The following UBE4B variants were observed in gnomAD, a reference collection of about 807,000 sequenced individuals.
The protein encoded by UBE4B is ubiquitination factor E4B.
Under a neutral mutation model 148.1 loss-of-function variants are expected in UBE4B, and 27 were observed. That is an observed-to-expected ratio of 0.18 (90% CI 0.13 to 0.25). The LOEUF is 0.25. Among genes scored for constraint, UBE4B ranks in the 10% least tolerant of loss-of-function variants. The pLI, the probability that UBE4B is intolerant of heterozygous loss-of-function variation, is 1.00. For missense variants in UBE4B, 1,170 were observed against 1,662.4 expected (o/e 0.70, Z 5.15); for synonymous variants, 596 against 619.3 (o/e 0.96, Z 0.56).
chr1:10,165,866 A>G (rs1195194045), intron 23 of UBE4B, among the ~76,000 whole-genome samples: 1 of 152,102 alleles, frequency 6.6e-6, no homozygotes, highest in African/African-American at 2.4e-5. Context: ...ATTTGTTTCT[A>G]TGAAGCAGAT....
At chr1:10,041,587 G>A (rs1643766766) in intron 1 of UBE4B, among the ~76,000 whole-genome samples, 1 of 151,058 alleles carries the variant, frequency 6.6e-6, no homozygotes, top group Non-Finnish European at 1.5e-5. Context: ...CCCCCGCCTC[G>A]GCCTTCCAAA....
Position 10,161,090 on chromosome 1 carries a change from C to T in UBE4B, c.3054-52C>T. ...GCTTGTTCCCTGGGATTTGCTGTGG[C>T]ATTTTGCTTCAGGGAGATGTATGAC... On this transcript the variant is annotated intron_variant, in intron 22 of 27. Coordinates refer to ENST00000343090, the MANE Select transcript of UBE4B (RefSeq NM_001105562.3). This position sits in a 1 kb window ranked among gnomAD's most constrained non-coding sequence, Gnocchi z 4.1. 1 of 1,588,408 alleles carries T rather than the reference C, an allele frequency of 6.3e-7. No individual in the cohort carries two copies. Among genetic ancestry groups the T allele is most frequent in the East Asian group, 2.3e-5 (1 of 44,208 alleles).
Position 10,105,525 on chromosome 1 carries a change from A to T in UBE4B, c.590A>T (p.Asp197Val). The T allele has an allele frequency of 6.2e-7, 1 of 1,614,154 alleles. No homozygotes were observed. Among genetic ancestry groups the T allele is most frequent in the Non-Finnish European group, 8.5e-7 (1 of 1,180,022 alleles). ...TCTGCCTTTCCAACAGTATTCTCCG[A>T]TTTTAAGGACTTGATTGGCCAGATT... ...FKQNPKEVFS[D>V]FKDLIGQILM... The change falls in exon 6 of 28, where the codon GAT (aspartate) becomes GTT (valine). Residue 197 changes from aspartate to valine, a missense_variant. Around this residue, in one of 6 missense-constraint regions of UBE4B, gnomAD observed 91 missense variants for 120.5 expected, o/e 0.76. Transcript: ENST00000343090.
At chr1:10,044,532 C>T (rs963900190) in intron 1 of UBE4B, among the ~76,000 whole-genome samples, 2 of 151,936 alleles carry the variant, frequency 1.3e-5, no homozygotes, top group Admixed American at 1.3e-4. Context: ...CTCCTTCCTT[C>T]CTTACCCTTC....
chr1:10,084,018 G>A (rs1644725387), intron 2 of UBE4B, among the ~76,000 whole-genome samples: 1 of 152,026 alleles, frequency 6.6e-6, no homozygotes, highest in African/African-American at 2.4e-5. Context: ...CCTATCCGCA[G>A]CCCCCACCCC....
At position 10,117,539 on chromosome 1, in the gene UBE4B, T is replaced by G. The variant is rs1407878978; in HGVS notation, c.1277T>G (p.Met426Arg). 1 of 1,612,118 alleles carries G rather than the reference T, an allele frequency of 6.2e-7. No individual in the cohort carries two copies. Among genetic ancestry groups the G allele is most frequent in the Non-Finnish European group, 8.5e-7 (1 of 1,179,530 alleles). Residue 426 changes from methionine (M) to arginine (R), a missense_variant, in exon 8 of 28, where the codon ATG (methionine) becomes AGG (arginine). Physicochemically the swap from Met to Arg is moderately conservative, Grantham distance 91. Transcript: ENST00000343090. The stretch of plus-strand genomic sequence containing the variant: ...ATTGAAACCTGCAAAGAGACAGATA[T>G]GCTGAACTACCTCATCGAGTGTTTC... ...FTIETCKETD[M>R]LNYLIECFDR... is the part of the protein sequence containing the mutation.
At chr1:10,075,675 G>A (rs1002059421) in intron 2 of UBE4B, among the ~76,000 whole-genome samples, 2 of 152,200 alleles carry the variant, frequency 1.3e-5, no homozygotes, top group African/African-American at 2.4e-5. Context: ...CCATACTTTG[G>A]TGGGTTGAAT....
In UBE4B at chr1:10,106,732, G is replaced by C. The variant is rs375851484; in HGVS notation, c.1196+149G>C. ...TGTGGCTAACTAGTTTGGTAGGCAC[G>C]TACTCTGAGTCCATGCTTCTGCCAG... On this transcript the variant is annotated intron_variant, in intron 7 of 27. Coordinates refer to ENST00000343090, the MANE Select transcript of UBE4B (RefSeq NM_001105562.3). The surrounding 1 kb of genome is among the most constrained non-coding windows in gnomAD (Gnocchi z 4.2). 1.6e-5 allele frequency: 17 copies of C among 1,089,554 alleles called. No homozygotes were observed. The highest frequency in any genetic ancestry group is 1.9e-5 in the South Asian group (1 of 51,978). The allele number at this position is 1,089,554 out of a possible 1,614,324, so 67.5% of individuals were successfully genotyped here.
intron 2 of UBE4B, among the ~76,000 whole-genome samples, chr1:10,085,117 C>T (rs1644745203): frequency 6.6e-6 from 1 of 152,140 alleles, no homozygotes. Context: ...GTTGAACGTT[C>T]ATACCTGGAG....
chr1:10,084,784 A>T (rs1239248134), intron 2 of UBE4B, among the ~76,000 whole-genome samples: 1 of 146,408 alleles, frequency 6.8e-6, no homozygotes, highest in African/African-American at 2.5e-5. Flanking sequence ...TGTAGCCTCC[A>T]CCTCCCAGGT....
chr1:10,037,090 C>T (rs1391517324), intron 1 of UBE4B, among the ~76,000 whole-genome samples: 3 of 152,034 alleles, frequency 2.0e-5, no homozygotes, highest in Non-Finnish European at 2.9e-5. Flanking sequence ...TGCAATGGCG[C>T]GATCTTGGCT....
In UBE4B at chr1:10,135,771, A is replaced by G. The variant is rs932636199; in HGVS notation, c.2224+585A>G. ...AAAAAACAGATACAAATTGAAAAAA[A>G]AAATCAAGTTATCATAATATATCTA... On this transcript the variant is annotated intron_variant, in intron 16 of 27. Transcript: ENST00000343090. Among the ~76,000 whole-genome samples, 5 of 151,774 alleles carry G rather than the reference A, an allele frequency of 3.3e-5. No homozygotes were observed. The East Asian group carries it at 9.6e-4, about 29-fold the overall frequency.
At chr1:10,138,095 T>C (rs548229238) in intron 17 of UBE4B, among the ~76,000 whole-genome samples, 3 of 147,780 alleles carry the variant, frequency 2.0e-5, no homozygotes, top group South Asian at 4.3e-4. Flanking sequence ...CCACCACGCC[T>C]GGCCAATTTT....
At chr1:10,054,219 G>C (rs1400950292) in intron 1 of UBE4B, among the ~76,000 whole-genome samples, 1 of 151,944 alleles carries the variant, frequency 6.6e-6, no homozygotes, top group Admixed American at 6.6e-5. Context: ...AGTAATATCT[G>C]GCTGTTTTCT....
At chr1:10,099,467 A>G (rs1644975962) in intron 3 of UBE4B, among the ~76,000 whole-genome samples, 1 of 152,216 alleles carries the variant, frequency 6.6e-6, no homozygotes, top group South Asian at 2.1e-4. Context: ...AGAGAAAATT[A>G]CTAAAGCTTA....
intron 1 of UBE4B, chr1:10,059,057 C>T (rs1269275746): frequency 6.6e-6 from 1 of 152,130 alleles, no homozygotes; most frequent in African/African-American, 2.4e-5. Context: ...TGGTGAAACC[C>T]CCTCTCTACT....
chr1:10,106,254 G>A lies in UBE4B; in HGVS notation c.867G>A (p.Met289Ile). ...TPSFWSSVPV[M>I]GPSLASPSRA... ...GTTTCTGGAGCTCTGTTCCCGTGATGGGCCCGTCTCTTGCCTCACCTTCCC... is the reference window on the plus strand; with the variant it reads ...GTTTCTGGAGCTCTGTTCCCGTGATAGGCCCGTCTCTTGCCTCACCTTCCC... The change falls in exon 7 of 28, where the codon ATG becomes ATA. Residue 289 changes from methionine (M) to isoleucine (I), a missense_variant. Met to Ile is a conservative substitution (Grantham distance 10). Transcript: ENST00000343090. This position sits in a 1 kb window ranked among gnomAD's most constrained non-coding sequence, Gnocchi z 4.2. The A allele has an allele frequency of 6.2e-7, 1 of 1,613,878 alleles. No individual in the cohort carries two copies. The highest frequency in any genetic ancestry group is 1.3e-5 in the African/African-American group (1 of 75,012).
In UBE4B at chr1:10,032,974, C is replaced by T. The variant is rs762379882; in HGVS notation, c.-697C>T. ...TCACGTGATCCCTTTCAAAGATGGC[C>T]GCCCTGTTGTTTTGATGAATAATAC... On this transcript the variant is annotated 5_prime_UTR_variant, in exon 1 of 28. Transcript: ENST00000343090. 5 of 152,202 alleles carry T rather than the reference C, an allele frequency of 3.3e-5. No individual in the cohort carries two copies. The highest frequency in any genetic ancestry group is 1.3e-4 in the Admixed American group (2 of 15,276). 9.4% of individuals were successfully genotyped at this position (152,202 alleles called of 1,614,324 possible).
intron 1 of UBE4B, among the ~76,000 whole-genome samples, chr1:10,048,937 T>G (rs1643970961): frequency 6.6e-6 from 1 of 152,216 alleles, no homozygotes; most frequent in Non-Finnish European, 1.5e-5. Context: ...AATCACTACT[T>G]TCTTTATTCA....
Sources: allele counts gnomAD v4.1 joint callset (sites outside exome capture counted in the v4.1 genomes callset), GRCh38; gene constraint gnomAD v4.1.1; regional missense constraint gnomAD v4.1.1; non-coding constraint Gnocchi (gnomAD v3.1); transcripts MANE v1.5; gene names NCBI Gene and HGNC (gene_info 2026-07-23, HGNC 2026-07-21).